Variants in ACKR3 observed in about 807,000 individuals in gnomAD.
ACKR3 encodes the protein C-X-C chemokine receptor type 7.
Under a neutral mutation model 22.4 loss-of-function variants are expected in ACKR3, and 6 were observed. The observed-to-expected ratio is 0.27, with a 90% confidence interval of 0.15 to 0.53. The LOEUF (loss-of-function observed/expected upper bound fraction) is 0.53, where lower values mean the gene tolerates loss of function less well. Among genes scored for constraint, ACKR3 ranks in the 20% least tolerant of loss-of-function variants. The probability of loss-of-function intolerance (pLI) is 0.96; values close to 1 mark genes in which losing one functional copy is unlikely to be tolerated. For synonymous variants in ACKR3, 209 were observed against 205.2 expected, an observed-to-expected ratio of 1.02 and a Z score of -0.16; for missense variants, 396 against 475.2, an observed-to-expected ratio of 0.83 and a Z score of 1.55.
the ACKR3 span, among the ~76,000 whole-genome samples, chr2:236,548,654 T>G: frequency 6.6e-6 from 1 of 152,156 alleles, no homozygotes; most frequent in Non-Finnish European, 1.5e-5. The surrounding 1 kb of genome is among the most constrained non-coding windows in gnomAD (Gnocchi z 4.3). Flanking sequence ...CTGTAAACCT[T>G]ACGGGCAAGA....
At chr2:236,569,223 T>TA (rs1198751544), upstream of ACKR3, among the ~76,000 whole-genome samples, 1 of 152,230 alleles carries the variant, frequency 6.6e-6, no homozygotes, top group African/African-American at 2.4e-5. Context: ...ATTTTGTACT[T>TA]AAAGTCCTTT....
At chr2:236,552,238 G>C in the ACKR3 span, among the ~76,000 whole-genome samples, 2 of 152,284 alleles carry the variant, frequency 1.3e-5, no homozygotes, top group Non-Finnish European at 2.9e-5. Context: ...CTGTTCAGTC[G>C]CCCTGGCCAG....
the ACKR3 span, among the ~76,000 whole-genome samples, chr2:236,541,292 G>A: frequency 6.6e-6 from 1 of 152,142 alleles, no homozygotes; most frequent in Non-Finnish European, 1.5e-5. Context: ...AAATGCCAGT[G>A]GTTATGTGTT....
the ACKR3 span, among the ~76,000 whole-genome samples, chr2:236,548,671 A>G: frequency 6.6e-6 from 1 of 152,238 alleles, no homozygotes; most frequent in Non-Finnish European, 1.5e-5. This position sits in a 1 kb window ranked among gnomAD's most constrained non-coding sequence, Gnocchi z 4.3. Flanking sequence ...AAGAGTTATC[A>G]TTCAACTTAG....
chr2:236,581,581 G>T lies in ACKR3; in HGVS notation c.*27G>T, dbSNP rs1286251319. On this transcript the variant is annotated 3_prime_UTR_variant, in exon 2 of 2. Transcript: ENST00000272928. This position sits in a 1 kb window ranked among gnomAD's most constrained non-coding sequence, Gnocchi z 4.4. ...CTGCCCTGGAGAGGCTCTGGGACGG[G>T]TTTACTTGTTTTTGAACAGGGTGAT... 6.3e-7 allele frequency: 1 copy of T among 1,594,156 alleles called. No individual in the cohort carries two copies. Among genetic ancestry groups the T allele is most frequent in the Admixed American group, 1.7e-5 (1 of 58,426 alleles).
At chr2:236,546,552 C>T in the ACKR3 span, among the ~76,000 whole-genome samples, 1 of 152,214 alleles carries the variant, frequency 6.6e-6, no homozygotes, top group Non-Finnish European at 1.5e-5. This position sits in a 1 kb window ranked among gnomAD's most constrained non-coding sequence, Gnocchi z 4.9. Context: ...GATGAGCAGA[C>T]AGCCAGTCAC....
chr2:236,554,814 G>A, the ACKR3 span, among the ~76,000 whole-genome samples: 1 of 152,210 alleles, frequency 6.6e-6, no homozygotes, highest in South Asian at 2.1e-4. Flanking sequence ...ACCCTCTCCT[G>A]TCAAGCTTAA....
the ACKR3 span, among the ~76,000 whole-genome samples, chr2:236,537,485 T>C: frequency 6.6e-6 from 1 of 152,064 alleles, no homozygotes; most frequent in Non-Finnish European, 1.5e-5. Flanking sequence ...AGGAAGCAGG[T>C]TCATCATTTT....
upstream of ACKR3, among the ~76,000 whole-genome samples, chr2:236,566,985 A>ACCTT (rs879930974): frequency 2.0e-4 from 22 of 112,630 alleles, no homozygotes; most frequent in East Asian, 7.9e-4. Context: ...CTTCCTTCCT[A>ACCTT]CCTTCCTTCC....
At chr2:236,558,011 A>T in the ACKR3 span, among the ~76,000 whole-genome samples, 1 of 152,234 alleles carries the variant, frequency 6.6e-6, no homozygotes, top group African/African-American at 2.4e-5. Context: ...AGACTGAAGG[A>T]AACTGCAGAG....
intron 1 of ACKR3, among the ~76,000 whole-genome samples, chr2:236,570,470 G>A (rs1691283809): frequency 6.6e-6 from 1 of 152,212 alleles, no homozygotes; most frequent in South Asian, 2.1e-4. Context: ...TTTGAATTCA[G>A]TACTTTGGGG....
At position 236,580,422 on chromosome 2, in the gene ACKR3, TGC is replaced by T. The variant is rs1282413105; in HGVS notation, c.-26-17_-26-16del. 1 of 1,561,318 alleles carries T rather than the reference TGC, an allele frequency of 6.4e-7. No homozygotes were observed. Among genetic ancestry groups the T allele is most frequent in the Admixed American group, 1.9e-5 (1 of 52,728 alleles). On this transcript the variant is annotated splice_polypyrimidine_tract_variant and intron_variant, in intron 1 of 1. Coordinates refer to ENST00000272928, the MANE Select transcript of ACKR3 (RefSeq NM_020311.3). ...ACTTTCCTCTTCCATCTTTTTTGTTTGCTTGGTTTTCTCATAGGTCATTTGAT... is the reference window on the plus strand; with the variant it reads ...ACTTTCCTCTTCCATCTTTTTTGTTTTTGGTTTTCTCATAGGTCATTTGAT...
chr2:236,561,571 G>A, the ACKR3 span, among the ~76,000 whole-genome samples: 6 of 151,578 alleles, frequency 4.0e-5, no homozygotes, highest in South Asian at 4.2e-4. Flanking sequence ...GCAGTGGCAC[G>A]ACCTCCGCCT....
the ACKR3 span, among the ~76,000 whole-genome samples, chr2:236,538,371 A>G: frequency 3.0e-3 from 452 of 152,336 alleles, 1 homozygote; most frequent in African/African-American, 0.01. Context: ...AATACTAAAA[A>G]CGTGGTCAAA....
At chr2:236,537,743 T>C in the ACKR3 span, among the ~76,000 whole-genome samples, 1 of 152,230 alleles carries the variant, frequency 6.6e-6, no homozygotes, top group Non-Finnish European at 1.5e-5. Context: ...TTCCAAGAAC[T>C]GGAGGGAGGG....
At chr2:236,578,797 G>A (rs184951506) in intron 1 of ACKR3, among the ~76,000 whole-genome samples, 223 of 152,310 alleles carry the variant, frequency 1.5e-3, no homozygotes, top group Non-Finnish European at 2.3e-3. Flanking sequence ...TCCCCCGGGG[G>A]CATTTACTAC....
the ACKR3 span, among the ~76,000 whole-genome samples, chr2:236,557,711 T>C: frequency 2.6e-5 from 4 of 152,180 alleles, no homozygotes; most frequent in African/African-American, 9.7e-5. Flanking sequence ...TCCTTCAAAA[T>C]ACTTATTAAT....
At chr2:236,576,699 C>T (rs1411453164) in intron 1 of ACKR3, among the ~76,000 whole-genome samples, 10 of 152,232 alleles carry the variant, frequency 6.6e-5, no homozygotes, top group African/African-American at 2.2e-4. Flanking sequence ...CAGGCTGGGG[C>T]GGCCAGAGCC....
At chr2:236,562,358 A>G in the ACKR3 span, among the ~76,000 whole-genome samples, 5 of 152,236 alleles carry the variant, frequency 3.3e-5, no homozygotes, top group South Asian at 1.0e-3. Context: ...TTTTATTTTT[A>G]AAAGGGTTTT....
Sources: gnomAD v4.1 joint callset for allele counts (sites outside exome capture counted in the v4.1 genomes callset) on GRCh38, gnomAD v4.1.1 for gene constraint, Gnocchi (gnomAD v3.1) non-coding constraint, MANE v1.5 for transcripts, NCBI Gene and HGNC (gene_info 2026-07-23, HGNC 2026-07-21) for gene names.